The following NPLOC4 variants were observed in gnomAD, a reference collection of about 807,000 sequenced individuals.
NPLOC4 encodes the protein NPL4 homolog, ubiquitin recognition factor, also known as nuclear protein localization protein 4 homolog.
A neutral mutation model predicts 80.6 loss-of-function variants in NPLOC4; 18 were observed. The observed-to-expected ratio is 0.22, with a 90% CI of 0.15 to 0.33. The LOEUF is 0.33. Among genes scored for constraint, NPLOC4 ranks in the 10% least tolerant of loss-of-function variants. The pLI, the probability that NPLOC4 is intolerant of heterozygous loss-of-function variation, is 1.00. For missense variants in NPLOC4, 540 were observed against 786.1 expected (o/e 0.69, Z 3.74); for synonymous variants, 313 against 301.5 (o/e 1.04, Z -0.39).
chr17:81,597,440 A>C (rs534095954), intron 9 of NPLOC4, 124 bp from the exon 10 acceptor site: 1 of 721,596 alleles, frequency 1.4e-6, no homozygotes, highest in African/African-American at 1.7e-5. Flanking sequence ...CACGAGGTTA[A>C]GAGATCGAGA....
intron 12 of NPLOC4, among the ~76,000 whole-genome samples, chr17:81,587,377 A>T (rs2034610076): frequency 6.6e-6 from 1 of 151,910 alleles, no homozygotes. Context: ...GTGCAGTGGC[A>T]CAATCTTGGC....
chr17:81,579,605 C>T (rs2034386373), intron 12 of NPLOC4, among the ~76,000 whole-genome samples: 1 of 152,104 alleles, frequency 6.6e-6, no homozygotes, highest in Admixed American at 6.6e-5. Context: ...CCCACCTCTG[C>T]CTCCCATCCT....
At position 81,567,104 on chromosome 17, in the gene NPLOC4, C is replaced by T. The variant is rs1245851146; in HGVS notation, c.1566+313G>A. 9.3e-6 allele frequency: 3 copies of T among 321,820 alleles called. No individual in the cohort carries two copies. Among genetic ancestry groups the T allele is most frequent in the African/African-American group, 4.2e-5 (2 of 47,070 alleles). 19.9% of individuals were successfully genotyped at this position (321,820 alleles called of 1,614,324 possible). On this transcript the variant is annotated intron_variant, in intron 15 of 16. Coordinates refer to ENST00000331134, the MANE Select transcript of NPLOC4 (RefSeq NM_017921.4). This position sits in a 1 kb window ranked among gnomAD's most constrained non-coding sequence, Gnocchi z 4.5. ...TTTTTTAAACTGTCTAACTCTAATG[C>T]TGGAGGCAGAGCTAAATCACCTCTG...
In NPLOC4 at chr17:81,559,305, T is replaced by C. The variant is rs755373731; in HGVS notation, c.1781A>G (p.Gln594Arg). The C allele has an allele frequency of 2.7e-5, 43 of 1,606,806 alleles. No individual in the cohort carries two copies. The highest frequency in any genetic ancestry group is 3.5e-5 in the Non-Finnish European group (41 of 1,177,130). ...CATCTCGCAGTGGCCTGTGCCTGGC[T>C]GGTTCATGAACGTGCAGTGCTGACA... is the stretch of plus-strand genomic sequence containing the variant. ...WACQHCTFMN[Q>R]PGTGHCEMCS... Residue 594 changes from glutamine (Q) to arginine (R), a missense_variant, in exon 17 of 17, where the codon CAG becomes CGG. Gln to Arg is a conservative substitution (Grantham distance 43, BLOSUM62 1). Transcript: ENST00000331134.
Position 81,572,734 on chromosome 17 carries a change from T to C in NPLOC4, c.1282-646A>G, listed in dbSNP as rs1433741109. On this transcript the variant is annotated intron_variant, in intron 12 of 16. Transcript: ENST00000331134. The surrounding 1 kb of genome is among the most constrained non-coding windows in gnomAD (Gnocchi z 4.5). Reference sequence around the variant, plus strand: ...GCGATCTGCGACAGGCAGAAGGGTCTGCGTTCCCCTCAGGTTGGACCTGTG... The same window carrying C: ...GCGATCTGCGACAGGCAGAAGGGTCCGCGTTCCCCTCAGGTTGGACCTGTG... Among the ~76,000 whole-genome samples, 2 of 152,250 alleles carry C rather than the reference T, an allele frequency of 1.3e-5. No homozygotes were observed. The highest frequency in any genetic ancestry group is 4.8e-5 in the African/African-American group (2 of 41,472).
intron 2 of NPLOC4, among the ~76,000 whole-genome samples, chr17:81,627,851 G>A (rs1226422931): frequency 6.6e-6 from 1 of 152,074 alleles, no homozygotes; most frequent in African/African-American, 2.4e-5. Context: ...CAGGAGAACT[G>A]CTGGAACCCA....
chr17:81,624,369 G>T (rs764160718), intron 2 of NPLOC4, among the ~76,000 whole-genome samples: 3 of 152,156 alleles, frequency 2.0e-5, no homozygotes, highest in Non-Finnish European at 4.4e-5. Flanking sequence ...AGTGAGCCAA[G>T]ATGGCGCCAT....
At chr17:81,621,938 A>G (rs1365798414) in intron 3 of NPLOC4, among the ~76,000 whole-genome samples, 1 of 152,238 alleles carries the variant, frequency 6.6e-6, no homozygotes, top group Non-Finnish European at 1.5e-5. Context: ...CCTCAGTGAC[A>G]CAAATTCCAG....
In NPLOC4 at chr17:81,604,673, A is replaced by G; in HGVS notation, c.709T>C (p.Phe237Leu). ...CCTGTCTTTCTCCAGAAGTCAAGAA[A>G]GCGGTCAGCGACGGTGTGATTCTCA... Reference protein sequence around the residue: ...MFENHTVADRFLDFWRKTGNQ... With the variant: ...MFENHTVADRLLDFWRKTGNQ... The change falls in exon 8 of 17, where the codon TTT becomes CTT. Residue 237 changes from phenylalanine (F) to leucine (L), a missense_variant. This residue lies in a region of NPLOC4 where 61 missense variants were observed against 156.7 expected (regional missense o/e 0.39). Coordinates refer to ENST00000331134, the MANE Select transcript of NPLOC4 (RefSeq NM_017921.4). 6.2e-7 allele frequency: 1 copy of G among 1,613,890 alleles called. No individual in the cohort carries two copies. The highest frequency in any genetic ancestry group is 8.5e-7 in the Non-Finnish European group (1 of 1,179,842).
chr17:81,591,296 A>G (rs895873847), intron 11 of NPLOC4, among the ~76,000 whole-genome samples: 2 of 151,858 alleles, frequency 1.3e-5, no homozygotes, highest in African/African-American at 4.8e-5. Context: ...TTAACTGGGC[A>G]TGGTGGCGTG....
intron 4 of NPLOC4, among the ~76,000 whole-genome samples, chr17:81,611,071 A>G (rs905787072): frequency 1.3e-5 from 2 of 152,024 alleles, no homozygotes; most frequent in African/African-American, 4.8e-5. Context: ...TCTAATCCCA[A>G]CACTTTGGGA....
intron 12 of NPLOC4, among the ~76,000 whole-genome samples, chr17:81,581,144 G>A (rs753638423): frequency 6.6e-5 from 10 of 152,150 alleles, no homozygotes; most frequent in Non-Finnish European, 1.5e-4. Context: ...GAGGTCAGGA[G>A]TTTGAGACCA....
chr17:81,588,021 A>G (rs1356947507), intron 12 of NPLOC4: 1 of 152,220 alleles, frequency 6.6e-6, no homozygotes, highest in Non-Finnish European at 1.5e-5. Context: ...AGAGTTAAGT[A>G]GAAACACAGG....
rs368887806 is a variant in NPLOC4 at position 81,580,259 on chromosome 17, C to T, written c.1282-8171G>A. 2.6e-5 allele frequency among the ~76,000 whole-genome samples: 4 copies of T among 152,182 alleles called. No individual in the cohort carries two copies. Among genetic ancestry groups the T allele is most frequent in the Non-Finnish European group, 4.4e-5 (3 of 68,032 alleles). ...TGGTGCCTCTGCACTAGCACATCGC[C>T]GACAGATCCCCAGCCTTCCAGCCTG... is the stretch of plus-strand genomic sequence containing the variant. On this transcript the variant is annotated intron_variant, in intron 12 of 16. Transcript: ENST00000331134. This position sits in a 1 kb window ranked among gnomAD's most constrained non-coding sequence, Gnocchi z 4.4.
chr17:81,610,399 C>T, intron 4 of NPLOC4, 141 bp from the exon 5 acceptor site: 1 of 699,078 alleles, frequency 1.4e-6, no homozygotes, highest in Non-Finnish European at 2.5e-6. Context: ...CATGGATAAA[C>T]ATTTATATTT....
chr17:81,620,495 C>CA (rs1337105681), intron 3 of NPLOC4, among the ~76,000 whole-genome samples: 2 of 151,744 alleles, frequency 1.3e-5, no homozygotes, highest in Non-Finnish European at 2.9e-5. Flanking sequence ...GACTCCGTCT[C>CA]AAAAAAAATA....
chr17:81,630,469 T>G (rs1195907522), intron 1 of NPLOC4, among the ~76,000 whole-genome samples: 1 of 152,012 alleles, frequency 6.6e-6, no homozygotes, highest in Non-Finnish European at 1.5e-5. Context: ...TTTTTTGTAG[T>G]GACGGAGTGT....
chr17:81,635,067 C>G (rs930755975), intron 1 of NPLOC4, among the ~76,000 whole-genome samples: 1 of 151,766 alleles, frequency 6.6e-6, no homozygotes. Context: ...AAAGGCCAGG[C>G]GCGGTGGCTT....
At chr17:81,563,168 T>C (rs2033901438) in intron 16 of NPLOC4, 1 of 151,418 alleles carries the variant, frequency 6.6e-6, no homozygotes, top group Admixed American at 6.6e-5. Context: ...CTACGCTTCC[T>C]GGGTCAAGTG....
Sources: gnomAD v4.1 joint callset for allele counts (sites outside exome capture counted in the v4.1 genomes callset) on GRCh38, gnomAD v4.1.1 for gene constraint, gnomAD v4.1.1 regional missense constraint, Gnocchi (gnomAD v3.1) non-coding constraint, MANE v1.5 for transcripts, NCBI Gene and HGNC (gene_info 2026-07-23, HGNC 2026-07-21) for gene names.